The following ADCY2 variants were observed in gnomAD, a reference collection of about 807,000 sequenced individuals.
ADCY2 encodes the protein adenylate cyclase 2, also known as adenylate cyclase type 2.
Under a neutral mutation model 125.2 loss-of-function variants are expected in ADCY2, and 31 were observed. That is an observed-to-expected ratio of 0.25 (90% CI 0.19 to 0.33). ADCY2 has a LOEUF of 0.33. Among genes scored for constraint, ADCY2 ranks in the 10% least tolerant of loss-of-function variants. The pLI is 1.00. For synonymous variants in ADCY2, 512 were observed against 548.4 expected, an observed-to-expected ratio of 0.93 and a Z score of 0.93; for missense variants, 904 against 1,418.2, an observed-to-expected ratio of 0.64 and a Z score of 5.82.
At chr5:7,479,158 T>C (rs1742630695) in intron 2 of ADCY2, among the ~76,000 whole-genome samples, 1 of 152,084 alleles carries the variant, frequency 6.6e-6, no homozygotes, top group African/African-American at 2.4e-5. Flanking sequence ...TTGGTGCGTT[T>C]AGGGGTTAAA....
chr5:7,461,222 A>G (rs537722687), intron 2 of ADCY2, among the ~76,000 whole-genome samples: 23 of 152,310 alleles, frequency 1.5e-4, no homozygotes, highest in African/African-American at 5.5e-4. Flanking sequence ...CGTTGGCTGA[A>G]TTTAGTCATA....
At chr5:7,768,281 A>C (rs534992949) in intron 17 of ADCY2, among the ~76,000 whole-genome samples, 1 of 152,226 alleles carries the variant, frequency 6.6e-6, no homozygotes, top group Admixed American at 6.5e-5. Flanking sequence ...AGCTAGAGTC[A>C]TTGTGAGAGT....
intron 3 of ADCY2, among the ~76,000 whole-genome samples, chr5:7,589,486 G>GAAAGAAAGA (rs1736760676): frequency 1.8e-5 from 1 of 55,906 alleles, no homozygotes; most frequent in Non-Finnish European, 4.5e-5. Flanking sequence ...AAGAAAGAAA[G>GAAAGAAAGA]AAAGAAAGAA....
intron 1 of ADCY2, among the ~76,000 whole-genome samples, chr5:7,407,390 G>T (rs1739535705): frequency 6.6e-6 from 1 of 152,126 alleles, no homozygotes; most frequent in Non-Finnish European, 1.5e-5. Context: ...GTTCTGCATT[G>T]CTGGGGAAGC....
chr5:7,472,665 A>T (rs1579478352), intron 2 of ADCY2, among the ~76,000 whole-genome samples: 1 of 152,184 alleles, frequency 6.6e-6, no homozygotes, highest in Admixed American at 6.5e-5. Flanking sequence ...CCTAGAAATT[A>T]GCATACCTCT....
intron 3 of ADCY2, among the ~76,000 whole-genome samples, chr5:7,577,245 C>G (rs1736278962): frequency 6.6e-6 from 1 of 152,128 alleles, no homozygotes; most frequent in Non-Finnish European, 1.5e-5. Context: ...ACTGCAGGAT[C>G]AGAAAGAGTC....
chr5:7,628,998 C>A (rs540378919), intron 4 of ADCY2, among the ~76,000 whole-genome samples: 1 of 152,306 alleles, frequency 6.6e-6, no homozygotes, highest in African/African-American at 2.4e-5. Context: ...ACTTCCTGCT[C>A]ACCCTGCACC....
At position 7,452,438 on chromosome 5, in the gene ADCY2, CT is replaced by C. The variant is rs571947210; in HGVS notation, c.408+37674del. Among the ~76,000 whole-genome samples the C allele has an allele frequency of 7.9e-5, 12 of 152,270 alleles. No homozygotes were observed. In the South Asian group the frequency reaches 2.1e-3, roughly 26 times the overall value. ...GTTGCTTCAAAGGCATTATTGCATTCTTTTTTATGGCTGAATTGTATTCCTT... is the reference window on the plus strand; with the variant it reads ...GTTGCTTCAAAGGCATTATTGCATTCTTTTTATGGCTGAATTGTATTCCTT... On this transcript the variant is annotated intron_variant, in intron 2 of 24. Transcript: ENST00000338316.
chr5:7,642,615 G>A (rs1046165793), intron 4 of ADCY2, among the ~76,000 whole-genome samples: 1 of 152,080 alleles, frequency 6.6e-6, no homozygotes, highest in African/African-American at 2.4e-5. Flanking sequence ...TGTCCAGAAT[G>A]CTGTTTCCAG....
chr5:7,690,968 C>A, intron 5 of ADCY2, 129 bp downstream of exon 5: 1 of 1,115,518 alleles, frequency 9.0e-7, no homozygotes, highest in Non-Finnish European at 1.2e-6. Context: ...GGGAAATAAT[C>A]ACACAGATTC....
intron 11 of ADCY2, among the ~76,000 whole-genome samples, chr5:7,716,144 A>G (rs1741584951): frequency 6.6e-6 from 1 of 152,220 alleles, no homozygotes; most frequent in Non-Finnish European, 1.5e-5. Flanking sequence ...CAAGTATCTT[A>G]TATTATGGCT....
chr5:7,541,463 G>C (rs368878893), intron 3 of ADCY2, among the ~76,000 whole-genome samples: 185 of 152,330 alleles, frequency 1.2e-3, no homozygotes, highest in African/African-American at 4.2e-3. Flanking sequence ...GAGGGTGTCT[G>C]TCTTTGAGCA....
At chr5:7,397,445 G>GTT (rs767411861) in intron 1 of ADCY2, among the ~76,000 whole-genome samples, 3,007 of 69,998 alleles carry the variant, frequency 0.043, 611 homozygotes, top group African/African-American at 0.056. Flanking sequence ...CCACCAGTGA[G>GTT]TTTTTTTTTT....
intron 1 of ADCY2, among the ~76,000 whole-genome samples, chr5:7,401,535 T>G (rs949279752): frequency 3.3e-5 from 5 of 152,226 alleles, no homozygotes; most frequent in Admixed American, 6.5e-5. Context: ...CCTTTTAATG[T>G]TTTTCTCTTC....
chr5:7,616,565 G>A (rs1737769694), intron 3 of ADCY2, among the ~76,000 whole-genome samples: 1 of 152,152 alleles, frequency 6.6e-6, no homozygotes, highest in Admixed American at 6.5e-5. Context: ...AATGACTAAA[G>A]GGTATTTAAT....
chr5:7,693,431 T>TTTTTTTTTTTTTTTTTTTTTTTTTA (rs1740784403), intron 5 of ADCY2, among the ~76,000 whole-genome samples: 1 of 143,320 alleles, frequency 7.0e-6, no homozygotes, highest in Non-Finnish European at 1.6e-5. Context: ...TTTTTTTTTT[T>TTTTTTTTTTTTTTTTTTTTTTTTTA]TTTTTGAGAC....
intron 2 of ADCY2, among the ~76,000 whole-genome samples, chr5:7,422,853 G>C (rs1207585888): frequency 6.6e-6 from 1 of 152,156 alleles, no homozygotes; most frequent in Non-Finnish European, 1.5e-5. Flanking sequence ...GCCTCTCTTA[G>C]CCTTTGAACT....
chr5:7,797,778 G>A (rs1255438851), intron 20 of ADCY2: 1 of 152,320 alleles, frequency 6.6e-6, no homozygotes, highest in East Asian at 1.9e-4. Flanking sequence ...TGGGTAGAAT[G>A]TAGTGGGGAT....
chr5:7,782,919 G>A (rs925062425), intron 18 of ADCY2, among the ~76,000 whole-genome samples: 2 of 152,216 alleles, frequency 1.3e-5, no homozygotes, highest in African/African-American at 4.8e-5. Flanking sequence ...AGTGAAACAG[G>A]AAGGCAGCAC....
Sources: allele counts gnomAD v4.1 joint callset (sites outside exome capture counted in the v4.1 genomes callset), GRCh38; gene constraint gnomAD v4.1.1; transcripts MANE v1.5; gene names NCBI Gene and HGNC (gene_info 2026-07-23, HGNC 2026-07-21).